The following PCNX1 variants were observed in gnomAD, a reference collection of about 807,000 sequenced individuals.
The protein encoded by PCNX1 is pecanex-like protein 1.
Under a neutral mutation model 242.2 loss-of-function variants are expected in PCNX1, and 78 were observed. The observed-to-expected ratio is 0.32, with a 90% confidence interval of 0.27 to 0.39. The LOEUF (loss-of-function observed/expected upper bound fraction) is 0.39. Ranked by LOEUF, PCNX1 falls within the 10% of genes least tolerant of loss-of-function variation. PCNX1 has a pLI of 1.00. For missense variants in PCNX1, 2,581 were observed against 2,856.5 expected (o/e 0.90, Z 2.20); for synonymous variants, 1,024 against 1,032.9 (o/e 0.99, Z 0.17).
chr14:70,961,708 G>T (rs1044578147), intron 2 of PCNX1, among the ~76,000 whole-genome samples: 6 of 152,000 alleles, frequency 3.9e-5, no homozygotes, highest in East Asian at 1.9e-4. Flanking sequence ...TTAAATTCTG[G>T]TTACTTAAAG....
At position 71,032,823 on chromosome 14, in the gene PCNX1, G is replaced by A. The variant is rs148697688; in HGVS notation, c.3559-606G>A. Among the ~76,000 whole-genome samples, 15 of 152,326 alleles carry A rather than the reference G, an allele frequency of 9.8e-5. No homozygotes were observed. The East Asian group carries it at 1.9e-3, about 20-fold the overall frequency. ...ATGCTACAATGAGCAGAGCTCATACGGAGTGACCACGTGTGGTTGGCTTTG... is the reference window on the plus strand; with the variant it reads ...ATGCTACAATGAGCAGAGCTCATACAGAGTGACCACGTGTGGTTGGCTTTG... On this transcript the variant is annotated intron_variant, in intron 16 of 35. Transcript: ENST00000304743.
chr14:71,106,427 A>G (rs541829251), intron 33 of PCNX1, among the ~76,000 whole-genome samples: 27 of 152,226 alleles, frequency 1.8e-4, no homozygotes, highest in Non-Finnish European at 3.8e-4. Context: ...GTCTTTGTAT[A>G]TAAGTCTTTA....
intron 11 of PCNX1, among the ~76,000 whole-genome samples, chr14:71,014,653 G>A (rs960032567): frequency 7.9e-5 from 12 of 151,982 alleles, no homozygotes; most frequent in African/African-American, 2.7e-4. Context: ...GAACTCACTC[G>A]AAGGCATAAT....
intron 2 of PCNX1, among the ~76,000 whole-genome samples, chr14:70,949,102 A>G (rs1319401155): frequency 6.8e-6 from 1 of 146,890 alleles, no homozygotes; most frequent in Admixed American, 6.8e-5. Context: ...ATATACATAC[A>G]TGTATATACG....
Position 70,977,552 on chromosome 14 carries a change from C to T in PCNX1, c.1215C>T (p.Thr405=), listed in dbSNP as rs374155298. 5 of 1,614,018 alleles carry T rather than the reference C, an allele frequency of 3.1e-6. No individual in the cohort carries two copies. The highest frequency in any genetic ancestry group is 1.3e-5 in the African/African-American group (1 of 74,892). The change falls in exon 6 of 36, where the codon ACC becomes ACT. Residue 405 remains threonine (T), a synonymous_variant. Transcript: ENST00000304743. ...STVSSYKSEQ[T]SSTHIESILS... ...TCAGCAGCTATAAAAGTGAGCAGAC[C>T]AGCTCAACTCACATAGAGAGCATCC...
At chr14:70,998,781 G>C (rs1595186777) in intron 8 of PCNX1, among the ~76,000 whole-genome samples, 1 of 146,184 alleles carries the variant, frequency 6.8e-6, no homozygotes, top group African/African-American at 2.5e-5. Context: ...AAGAAAAACT[G>C]ACATAGTTTT....
chr14:71,004,824 A>C (rs2059607820), intron 8 of PCNX1, among the ~76,000 whole-genome samples: 1 of 152,236 alleles, frequency 6.6e-6, no homozygotes, highest in Non-Finnish European at 1.5e-5. Flanking sequence ...TATCTCCATC[A>C]GATTATTTCT....
rs1330601652 is a variant in PCNX1, at chr14:71,058,669, G to A, written c.4852+945G>A. Among the ~76,000 whole-genome samples the A allele has an allele frequency of 2.0e-5, 3 of 152,190 alleles. No individual in the cohort carries two copies. The South Asian group carries it at 6.2e-4, about 32-fold the overall frequency. On this transcript the variant is annotated intron_variant, in intron 26 of 35. Transcript: ENST00000304743. ...ATCCTGGTGTTGCATAAGAAGGCTT[G>A]CACCTTAGCTATGTAGTGTCTATGT...
chr14:70,976,365 TTTCTTTC>T (rs1475632941), intron 5 of PCNX1, among the ~76,000 whole-genome samples: 35 of 147,330 alleles, frequency 2.4e-4, no homozygotes, highest in Admixed American at 9.7e-4. Flanking sequence ...TCTTTCTTTC[TTTCTTTC>T]TTTTTTTTTT....
At chr14:70,961,098 A>G (rs1447666527) in intron 2 of PCNX1, among the ~76,000 whole-genome samples, 1 of 152,226 alleles carries the variant, frequency 6.6e-6, no homozygotes, top group African/African-American at 2.4e-5. Context: ...GCCCAAGGTA[A>G]TTTATAGATT....
intron 1 of PCNX1, among the ~76,000 whole-genome samples, chr14:70,926,360 C>G (rs2056591878): frequency 6.6e-6 from 1 of 152,224 alleles, no homozygotes; most frequent in Non-Finnish European, 1.5e-5. Flanking sequence ...CTCCTTCACT[C>G]TCGCTACAGA....
chr14:70,938,739 G>A (rs185637956), intron 1 of PCNX1, among the ~76,000 whole-genome samples: 1 of 152,288 alleles, frequency 6.6e-6, no homozygotes, highest in Non-Finnish European at 1.5e-5. Context: ...GTAGAATTTG[G>A]CTGTGAATCC....
chr14:71,017,140 A>G (rs1327394363), intron 11 of PCNX1, among the ~76,000 whole-genome samples: 2 of 152,244 alleles, frequency 1.3e-5, no homozygotes, highest in Non-Finnish European at 2.9e-5. Flanking sequence ...ACAAATGGAC[A>G]AATTTCTTGA....
chr14:71,104,827 T>C (rs1454404000), intron 32 of PCNX1, among the ~76,000 whole-genome samples: 1 of 152,112 alleles, frequency 6.6e-6, no homozygotes, highest in Non-Finnish European at 1.5e-5. Context: ...CTCAGGAGGC[T>C]GAGGCAGGAA....
Position 71,019,075 on chromosome 14 carries a change from T to C in PCNX1, c.3063T>C (p.Ser1021=). The change falls in exon 12 of 36, where the codon TCT becomes TCC. Residue 1021 remains serine (S), a synonymous_variant. Transcript: ENST00000304743. The part of the protein sequence containing the change: ...ILAILVAFLG[S]ILLIQGFFRD... ...CTATTCTCGTGGCCTTTTTGGGATCTATTCTTCTCATACAAGGATTCTTCA... is the reference window on the plus strand; with the variant it reads ...CTATTCTCGTGGCCTTTTTGGGATCCATTCTTCTCATACAAGGATTCTTCA... 1 of 1,613,558 alleles carries C rather than the reference T, an allele frequency of 6.2e-7. No homozygotes were observed. Among genetic ancestry groups the C allele is most frequent in the South Asian group, 1.1e-5 (1 of 91,000 alleles).
chr14:71,036,019 T>A (rs779308665), intron 18 of PCNX1, 46 bp from the exon 19 acceptor site: 3 of 1,325,714 alleles, frequency 2.3e-6, no homozygotes, highest in Non-Finnish European at 3.2e-6. Context: ...AAAAGATTTT[T>A]AAAAATTTTA....
intron 26 of PCNX1, among the ~76,000 whole-genome samples, chr14:71,069,675 A>C (rs1297727045): frequency 6.6e-6 from 1 of 152,244 alleles, no homozygotes; most frequent in African/African-American, 2.4e-5. Context: ...ATGGCTAAAG[A>C]AAGAATGTAC....
intron 28 of PCNX1, among the ~76,000 whole-genome samples, chr14:71,087,959 A>G (rs1428400880): frequency 6.6e-6 from 1 of 152,000 alleles, no homozygotes; most frequent in Non-Finnish European, 1.5e-5. Flanking sequence ...AAAAATAAGT[A>G]GTTAATAAAA....
At chr14:70,914,947 C>G (rs1336701700) in intron 1 of PCNX1, among the ~76,000 whole-genome samples, 1 of 152,052 alleles carries the variant, frequency 6.6e-6, no homozygotes, top group Non-Finnish European at 1.5e-5. Context: ...TGAGTCAGTC[C>G]TCTCATCCTT....
Sources: gnomAD v4.1 joint callset for allele counts (sites outside exome capture counted in the v4.1 genomes callset) on GRCh38, gnomAD v4.1.1 for gene constraint, MANE v1.5 for transcripts, NCBI Gene and HGNC (gene_info 2026-07-23, HGNC 2026-07-21) for gene names.